Variants in CSGALNACT2 observed in about 807,000 individuals in gnomAD.
The protein encoded by CSGALNACT2 is beta 4 GalNAcT-2.
In CSGALNACT2, 35 loss-of-function variants were observed where a neutral mutation model predicts 55.3. The ratio of observed to expected loss-of-function variants is 0.63; its 90% CI spans 0.48 to 0.84. CSGALNACT2 has a LOEUF of 0.84. CSGALNACT2 is among the 40% of genes least tolerant of loss of function. The pLI is 0.00. For synonymous variants in CSGALNACT2, 196 were observed against 224.9 expected, an observed-to-expected ratio of 0.87 and a Z score of 1.15; for missense variants, 544 against 657.5, an observed-to-expected ratio of 0.83 and a Z score of 1.89.
intron 6 of CSGALNACT2, among the ~76,000 whole-genome samples, chr10:43,175,252 A>C (rs905836417): frequency 2.0e-5 from 3 of 152,212 alleles, no homozygotes; most frequent in African/African-American, 7.2e-5. Context: ...CGTTCCACTA[A>C]AATTATTTAC....
rs183876241 is a variant in CSGALNACT2, at chr10:43,154,625, G to A, written c.-253-272G>A. ...GCCTGTAGTCCCAGCTACTCAGGAA[G>A]CTGAGATGGAAGGATCACTTGAACC... is the stretch of plus-strand genomic sequence containing the variant. On this transcript the variant is annotated intron_variant, in intron 1 of 7. Coordinates refer to ENST00000374466, the MANE Select transcript of CSGALNACT2 (RefSeq NM_018590.5). 2.0e-3 allele frequency among the ~76,000 whole-genome samples: 306 copies of A among 152,046 alleles called. 2 individuals are homozygous for A. Among genetic ancestry groups the A allele is most frequent in the African/African-American group, 7.0e-3 (290 of 41,450 alleles).
chr10:43,173,428 G>A (rs1011850089), intron 6 of CSGALNACT2, among the ~76,000 whole-genome samples: 2 of 152,158 alleles, frequency 1.3e-5, no homozygotes, highest in African/African-American at 4.8e-5. Flanking sequence ...ACATGCTTAG[G>A]AGGCCAGATA....
At chr10:43,174,909 A>G (rs1839449794) in intron 6 of CSGALNACT2, among the ~76,000 whole-genome samples, 1 of 152,270 alleles carries the variant, frequency 6.6e-6, no homozygotes, top group Admixed American at 6.5e-5. Context: ...TATGAATAAA[A>G]TAAAAGGTTT....
chr10:43,143,281 A>G (rs940903042), intron 1 of CSGALNACT2, among the ~76,000 whole-genome samples: 8 of 152,228 alleles, frequency 5.3e-5, no homozygotes, highest in African/African-American at 1.9e-4. Context: ...CTGTTGTATA[A>G]ATGTCTTCAG....
intron 1 of CSGALNACT2, among the ~76,000 whole-genome samples, chr10:43,141,813 C>A (rs1279815221): frequency 6.6e-6 from 1 of 151,946 alleles, no homozygotes; most frequent in Non-Finnish European, 1.5e-5. Flanking sequence ...TCTTGGGCAT[C>A]CTGAGCCAGG....
intron 6 of CSGALNACT2, among the ~76,000 whole-genome samples, chr10:43,174,219 T>C (rs1234670273): frequency 6.6e-6 from 1 of 151,504 alleles, no homozygotes; most frequent in Non-Finnish European, 1.5e-5. Context: ...AAAAAAAAAT[T>C]GAAAAGAAAA....
rs374493889 is a variant in CSGALNACT2, at chr10:43,163,997, A to G, written c.1112A>G (p.Tyr371Cys). The G allele has an allele frequency of 2.7e-5, 43 of 1,614,004 alleles. No homozygotes were observed. Among genetic ancestry groups the G allele is most frequent in the East Asian group, 4.5e-5 (2 of 44,868 alleles). Residue 371 changes from tyrosine (Y) to cysteine (C), a missense_variant, in exon 5 of 8, where the codon TAT becomes TGT. Tyr to Cys is a radical substitution (Grantham distance 194). This residue lies in a region of CSGALNACT2 where 170 missense variants were observed against 256.2 expected (regional missense o/e 0.66). Transcript: ENST00000374466. ...ATGTTTTTCTGTGATGTTGATATCTATTTCTCAGCCGAATTCCTTAACAGC... is the reference window on the plus strand; with the variant it reads ...ATGTTTTTCTGTGATGTTGATATCTGTTTCTCAGCCGAATTCCTTAACAGC... ...VLMFFCDVDIYFSAEFLNSCR... is the reference protein window; with the variant it reads ...VLMFFCDVDICFSAEFLNSCR...
intron 1 of CSGALNACT2, among the ~76,000 whole-genome samples, chr10:43,153,872 A>G (rs1838934505): frequency 6.6e-6 from 1 of 152,216 alleles, no homozygotes; most frequent in South Asian, 2.1e-4. Context: ...GATAAGGATG[A>G]TTAAATTCTT....
chr10:43,149,671 G>A (rs1838834389), intron 1 of CSGALNACT2, among the ~76,000 whole-genome samples: 1 of 152,054 alleles, frequency 6.6e-6, no homozygotes, highest in South Asian at 2.1e-4. Flanking sequence ...TTAATGTCTG[G>A]ATTTGGTAGC....
At chr10:43,144,261 T>C (rs896422998) in intron 1 of CSGALNACT2, among the ~76,000 whole-genome samples, 1 of 152,242 alleles carries the variant, frequency 6.6e-6, no homozygotes, top group Admixed American at 6.5e-5. Context: ...GCAATGTACA[T>C]GTCCTGGAAA....
intron 1 of CSGALNACT2, among the ~76,000 whole-genome samples, chr10:43,147,199 T>C (rs921355805): frequency 2.0e-5 from 3 of 151,650 alleles, no homozygotes; most frequent in African/African-American, 7.3e-5. Context: ...ATGGTCTCGA[T>C]CTCCTGACCT....
At chr10:43,150,596 T>C (rs1018271357) in intron 1 of CSGALNACT2, among the ~76,000 whole-genome samples, 1 of 152,246 alleles carries the variant, frequency 6.6e-6, no homozygotes, top group Non-Finnish European at 1.5e-5. Context: ...TTATTATCTT[T>C]TGTTCCTTGT....
chr10:43,165,498 A>T (rs191735219), intron 5 of CSGALNACT2, among the ~76,000 whole-genome samples: 1 of 152,098 alleles, frequency 6.6e-6, no homozygotes, highest in African/African-American at 2.4e-5. Context: ...AATTAGAAAA[A>T]CATTGGGGTG....
intron 7 of CSGALNACT2, among the ~76,000 whole-genome samples, chr10:43,178,629 A>C (rs1291439039): frequency 2.0e-5 from 3 of 151,940 alleles, no homozygotes; most frequent in Non-Finnish European, 4.4e-5. Context: ...AAAAAAAAAA[A>C]AAAAAAACCC....
At chr10:43,162,503 G>A in intron 4 of CSGALNACT2, 1 of 985,410 alleles carries the variant, frequency 1.0e-6, no homozygotes, top group Non-Finnish European at 1.2e-6. Flanking sequence ...GTGGCAATGG[G>A]CAGTTTTCCC....
At chr10:43,171,812 A>G (rs1839387590) in intron 6 of CSGALNACT2, among the ~76,000 whole-genome samples, 1 of 152,228 alleles carries the variant, frequency 6.6e-6, no homozygotes, top group South Asian at 2.1e-4. Context: ...TCTAAGCTTC[A>G]GTCTCCTCAC....
intron 1 of CSGALNACT2, among the ~76,000 whole-genome samples, chr10:43,149,638 G>C (rs1187022086): frequency 6.6e-6 from 1 of 152,132 alleles, no homozygotes; most frequent in South Asian, 2.1e-4. Flanking sequence ...TATTCATATA[G>C]GATATTGGCC....
chr10:43,148,583 G>T (rs1838810361), intron 1 of CSGALNACT2, among the ~76,000 whole-genome samples: 1 of 152,054 alleles, frequency 6.6e-6, no homozygotes, highest in African/African-American at 2.4e-5. Context: ...TAGTTTCTAT[G>T]AATACAAGTC....
chr10:43,162,982 G>A (rs1021617019), intron 4 of CSGALNACT2: 1 of 985,132 alleles, frequency 1.0e-6, no homozygotes, highest in Non-Finnish European at 1.2e-6. Context: ...TTCTCTCATT[G>A]TTCCCATTTT....
Sources: gnomAD v4.1 joint callset for allele counts (sites outside exome capture counted in the v4.1 genomes callset) on GRCh38, gnomAD v4.1.1 for gene constraint, gnomAD v4.1.1 regional missense constraint, MANE v1.5 for transcripts, NCBI Gene and HGNC (gene_info 2026-07-23, HGNC 2026-07-21) for gene names.